The following BBX variants were observed in gnomAD, a reference collection of about 807,000 sequenced individuals.
BBX encodes the protein BBX high mobility group box domain containing, also known as HMG box transcription factor BBX.
BBX carries 30 observed loss-of-function variants against 100.2 expected under a neutral mutation model. That is an observed-to-expected ratio of 0.30 (90% CI 0.22 to 0.41). The LOEUF is 0.41. Ranked by LOEUF, BBX falls within the 10% of genes least tolerant of loss-of-function variation. The pLI is 1.00. For synonymous variants in BBX, 376 were observed against 388.1 expected (o/e 0.97, Z 0.37); for missense variants, 1,023 against 1,129.8 (o/e 0.91, Z 1.35).
At chr3:107,685,575 G>T (rs1351167406) in intron 3 of BBX, among the ~76,000 whole-genome samples, 1 of 152,160 alleles carries the variant, frequency 6.6e-6, no homozygotes, top group Non-Finnish European at 1.5e-5. Flanking sequence ...GATAATGCAG[G>T]CTATCCTGCC....
At chr3:107,764,938 G>A (rs1391047256) in intron 10 of BBX, among the ~76,000 whole-genome samples, 1 of 152,202 alleles carries the variant, frequency 6.6e-6, no homozygotes, top group Non-Finnish European at 1.5e-5. Context: ...AAAAGTAGAT[G>A]TAAGTGGATC....
At chr3:107,801,962 C>T (rs1181570880) in intron 17 of BBX, among the ~76,000 whole-genome samples, 6 of 152,140 alleles carry the variant, frequency 3.9e-5, no homozygotes, top group East Asian at 1.9e-4. Flanking sequence ...CAAAGAATTA[C>T]GAAGTTGTAA....
Position 107,773,698 on chromosome 3 carries a change from C to G in BBX, c.1915+62C>G. On this transcript the variant is annotated intron_variant, in intron 11 of 17. Transcript: ENST00000325805. The surrounding 1 kb of genome is among the most constrained non-coding windows in gnomAD (Gnocchi z 4.1). ...ACCAAACAGAATTTCACCTTTAGAC[C>G]TATTGAAAACAACTGCCATAAAAAA... 1.4e-6 allele frequency: 2 copies of G among 1,438,566 alleles called. No homozygotes were observed. Among genetic ancestry groups the G allele is most frequent in the Non-Finnish European group, 1.9e-6 (2 of 1,071,264 alleles). 89.1% of individuals were successfully genotyped at this position (1,438,566 alleles called of 1,614,324 possible).
chr3:107,722,960 G>C (rs546022049), intron 5 of BBX, among the ~76,000 whole-genome samples: 6 of 152,028 alleles, frequency 3.9e-5, no homozygotes, highest in African/African-American at 9.6e-5. Context: ...AGAAACAGCT[G>C]TCTCAGAATT....
At chr3:107,537,472 C>G (rs952369667) in intron 2 of BBX, among the ~76,000 whole-genome samples, 1 of 152,040 alleles carries the variant, frequency 6.6e-6, no homozygotes, top group African/African-American at 2.4e-5. Flanking sequence ...GAGTTCTAGC[C>G]CAATATGGGA....
chr3:107,707,065 A>G (rs1403369894), intron 3 of BBX, among the ~76,000 whole-genome samples: 1 of 152,216 alleles, frequency 6.6e-6, no homozygotes, highest in Non-Finnish European at 1.5e-5. Flanking sequence ...GAGGTATTTC[A>G]TAGTTATTAG....
intron 2 of BBX, among the ~76,000 whole-genome samples, chr3:107,545,086 T>A (rs1328708534): frequency 1.3e-5 from 2 of 152,168 alleles, no homozygotes; most frequent in African/African-American, 4.8e-5. Context: ...TCTTTACCTC[T>A]GCGGTTTATT....
At position 107,774,756 on chromosome 3, in the gene BBX, T is replaced by C. The variant is rs770151561; in HGVS notation, c.1953T>C (p.His651=). ...CAGGAAAAGGAAACTCCTCTGATCA[T>C]GAAGGGTGTTGGAATGAAGAAAGCT... is the stretch of plus-strand genomic sequence containing the variant. The part of the protein sequence containing the change: ...RSSGKGNSSD[H]EGCWNEESWT... The change falls in exon 12 of 18, where the codon CAT becomes CAC. Residue 651 remains histidine (H), a synonymous_variant. Coordinates refer to ENST00000325805, the MANE Select transcript of BBX (RefSeq NM_001142568.3). 4.3e-6 allele frequency: 7 copies of C among 1,613,328 alleles called. No homozygotes were observed. The highest frequency in any genetic ancestry group is 5.9e-6 in the Non-Finnish European group (7 of 1,179,576).
intron 2 of BBX, among the ~76,000 whole-genome samples, chr3:107,549,934 C>T (rs1269226611): frequency 3.3e-5 from 5 of 149,296 alleles, no homozygotes; most frequent in African/African-American, 1.2e-4. Flanking sequence ...AAATAACTCT[C>T]AAGGAGCCAG....
intron 8 of BBX, among the ~76,000 whole-genome samples, chr3:107,746,209 T>C (rs1037566638): frequency 4.3e-4 from 66 of 152,302 alleles, no homozygotes; most frequent in African/African-American, 1.6e-3. Flanking sequence ...ATATAAATTG[T>C]TTATTTTTTT....
chr3:107,567,116 G>A (rs1460318098), intron 2 of BBX, among the ~76,000 whole-genome samples: 1 of 151,976 alleles, frequency 6.6e-6, no homozygotes, highest in African/African-American at 2.4e-5. Context: ...CTGTATTTAG[G>A]TTAGTGAGTA....
chr3:107,723,382 A>T (rs1000724474), intron 5 of BBX, among the ~76,000 whole-genome samples: 1 of 151,924 alleles, frequency 6.6e-6, no homozygotes, highest in African/African-American at 2.4e-5. Context: ...TGGAAAAGTA[A>T]TGTTGAGACT....
intron 12 of BBX, 63 bp downstream of exon 12, chr3:107,774,920 A>G (rs2067204417): frequency 1.3e-6 from 2 of 1,564,274 alleles, no homozygotes; most frequent in South Asian, 1.2e-5. Flanking sequence ...GGGATTTTCA[A>G]GGTAAACAGA....
intron 12 of BBX, among the ~76,000 whole-genome samples, chr3:107,776,724 G>C (rs1396356487): frequency 6.6e-6 from 1 of 152,030 alleles, no homozygotes; most frequent in Non-Finnish European, 1.5e-5. Flanking sequence ...GATTATTATT[G>C]TTCTCTTTTT....
At chr3:107,719,997 A>G (rs1035681981) in intron 5 of BBX, among the ~76,000 whole-genome samples, 1 of 152,034 alleles carries the variant, frequency 6.6e-6, no homozygotes, top group Non-Finnish European at 1.5e-5. Flanking sequence ...AACAATTTGA[A>G]TGACCTTTAT....
intron 7 of BBX, among the ~76,000 whole-genome samples, chr3:107,734,382 G>C (rs1461313354): frequency 6.6e-6 from 1 of 152,114 alleles, no homozygotes. Context: ...TTGTGCCTTT[G>C]CATATTCATT....
intron 3 of BBX, among the ~76,000 whole-genome samples, chr3:107,655,943 G>A (rs558646536): frequency 7.9e-5 from 12 of 152,054 alleles, no homozygotes; most frequent in South Asian, 4.2e-4. Flanking sequence ...CTCGTGATCC[G>A]CCCATCTTGG....
chr3:107,756,960 A>G (rs1183071357), intron 10 of BBX, among the ~76,000 whole-genome samples: 1 of 152,212 alleles, frequency 6.6e-6, no homozygotes, highest in Non-Finnish European at 1.5e-5. Flanking sequence ...CTGTGAGGTC[A>G]TGCATTTGTC....
At chr3:107,532,090 A>T (rs930218866) in intron 2 of BBX, among the ~76,000 whole-genome samples, 5 of 151,870 alleles carry the variant, frequency 3.3e-5, no homozygotes, top group Admixed American at 6.6e-5. Context: ...AGCTACTCGG[A>T]GGCTGAGGTG....
Sources: gnomAD v4.1 joint callset for allele counts (sites outside exome capture counted in the v4.1 genomes callset) on GRCh38, gnomAD v4.1.1 for gene constraint, Gnocchi (gnomAD v3.1) non-coding constraint, MANE v1.5 for transcripts, NCBI Gene and HGNC (gene_info 2026-07-23, HGNC 2026-07-21) for gene names.